HERC3: variants seen among roughly 807,000 people sequenced by gnomAD.
HERC3 encodes HECT and RLD domain containing E3 ubiquitin protein ligase 3.
In HERC3, 58 loss-of-function variants were observed where a neutral mutation model predicts 129.9. The observed-to-expected ratio is 0.45, with a 90% CI of 0.36 to 0.56. HERC3 has a LOEUF of 0.56. HERC3 is among the 20% of genes least tolerant of loss of function. The pLI, the probability that HERC3 is intolerant of heterozygous loss-of-function variation, is 0.00. For missense variants in HERC3, 835 were observed against 1,244.2 expected (o/e 0.67, Z 4.95); for synonymous variants, 430 against 451.0 (o/e 0.95, Z 0.59).
intron 9 of HERC3, chr4:88,657,296 C>T (rs2149281030): frequency 6.6e-6 from 1 of 152,280 alleles, no homozygotes; most frequent in South Asian, 2.1e-4. Context: ...GTAAACCTAG[C>T]ATATAGCACA....
intron 14 of HERC3, chr4:88,668,701 C>T (rs1195612315): frequency 6.5e-6 from 1 of 153,248 alleles, no homozygotes; most frequent in Non-Finnish European, 1.5e-5. Flanking sequence ...CTTTTTTCCC[C>T]CCTGGTAAAT....
chr4:88,617,558 G>A (rs1725046214), intron 3 of HERC3, among the ~76,000 whole-genome samples: 1 of 152,160 alleles, frequency 6.6e-6, no homozygotes, highest in South Asian at 2.1e-4. Context: ...CCTATACACA[G>A]AGGCTGTTTG....
At chr4:88,645,028 G>C (rs903197004) in intron 3 of HERC3, among the ~76,000 whole-genome samples, 4 of 152,234 alleles carry the variant, frequency 2.6e-5, no homozygotes, top group Admixed American at 2.6e-4. Context: ...TCTGTGTTGG[G>C]AACTGCAGAG....
At chr4:88,582,886 TC>T in the HERC3 span, among the ~76,000 whole-genome samples, 1 of 151,672 alleles carries the variant, frequency 6.6e-6, no homozygotes, top group African/African-American at 2.4e-5. Context: ...ATTGCCTACA[TC>T]CCCCACTTCC....
chr4:88,572,592 C>T, the HERC3 span, among the ~76,000 whole-genome samples: 397 of 151,922 alleles, frequency 2.6e-3, 5 homozygotes, highest in African/African-American at 9.0e-3. Flanking sequence ...GGGTGTATCA[C>T]GAGGTCAGGA....
rs1735922816 is a variant in HERC3, at chr4:88,708,189, T to A, written c.*1229T>A. 1 of 152,590 alleles carries A rather than the reference T, an allele frequency of 6.6e-6. No individual in the cohort carries two copies. The allele number at this position is 152,590 out of a possible 1,614,324, so 9.5% of individuals were successfully genotyped here. On this transcript the variant is annotated 3_prime_UTR_variant, in exon 26 of 26. Transcript: ENST00000402738. ...TTGTGTTTAAATCAAATATATGTAT[T>A]TTAAAAATAATGACATGCTCAACCT...
At chr4:88,640,270 C>G (rs1399741825) in intron 3 of HERC3, among the ~76,000 whole-genome samples, 1 of 152,134 alleles carries the variant, frequency 6.6e-6, no homozygotes, top group Non-Finnish European at 1.5e-5. Context: ...AAGACAGATG[C>G]ACACATATGT....
the HERC3 span, chr4:88,583,814 T>C: frequency 2.0e-5 from 3 of 152,202 alleles, no homozygotes; most frequent in African/African-American, 7.2e-5. Context: ...CTTTGTCAGA[T>C]TGGAAATGTC....
chr4:88,648,649 G>C (rs949653573), intron 3 of HERC3, among the ~76,000 whole-genome samples: 4 of 152,040 alleles, frequency 2.6e-5, no homozygotes, highest in African/African-American at 9.7e-5. Context: ...TCAAGATGAA[G>C]GGTTCTACAG....
intron 12 of HERC3, among the ~76,000 whole-genome samples, chr4:88,666,446 A>G (rs961207200): frequency 6.6e-6 from 1 of 152,220 alleles, no homozygotes; most frequent in Non-Finnish European, 1.5e-5. Context: ...TTTTAAAAAC[A>G]ATAACAACAA....
At chr4:88,705,192 C>T (rs151289100) in intron 25 of HERC3, among the ~76,000 whole-genome samples, 5 of 152,180 alleles carry the variant, frequency 3.3e-5, no homozygotes, top group African/African-American at 1.2e-4. Flanking sequence ...TCTAAAAATA[C>T]CAATTATTTT....
At chr4:88,571,423 T>C in the HERC3 span, among the ~76,000 whole-genome samples, 2 of 152,244 alleles carry the variant, frequency 1.3e-5, no homozygotes, top group Non-Finnish European at 2.9e-5. Flanking sequence ...TCCATGGCCC[T>C]AAACTAAGTA....
intron 23 of HERC3, among the ~76,000 whole-genome samples, chr4:88,698,782 C>T (rs560467029): frequency 1.2e-3 from 180 of 149,954 alleles, no homozygotes; most frequent in Non-Finnish European, 1.9e-3. Flanking sequence ...GACTTATGCC[C>T]CACCTTCTGC....
At chr4:88,688,366 T>C (rs1016581898) in intron 23 of HERC3, among the ~76,000 whole-genome samples, 1 of 152,096 alleles carries the variant, frequency 6.6e-6, no homozygotes, top group Non-Finnish European at 1.5e-5. Context: ...TTTAGAAAGA[T>C]TACTTTGGGG....
intron 14 of HERC3, 62 bp downstream of exon 14, chr4:88,668,143 T>G: frequency 8.0e-7 from 1 of 1,247,788 alleles, no homozygotes. Context: ...GTGTGACTCC[T>G]GGCTCTCAGT....
intron 3 of HERC3, among the ~76,000 whole-genome samples, chr4:88,635,764 C>G (rs1201276599): frequency 6.6e-6 from 1 of 152,084 alleles, no homozygotes; most frequent in Non-Finnish European, 1.5e-5. Context: ...GCCATGTCAC[C>G]TACAAAGGGA....
chr4:88,591,064 A>AT (rs539127563), upstream of HERC3, among the ~76,000 whole-genome samples: 223 of 150,228 alleles, frequency 1.5e-3, no homozygotes, highest in East Asian at 5.5e-3. Context: ...TAATTTTGGT[A>AT]TTTTTTTTTG....
At chr4:88,603,027 C>T (rs1578145531) in intron 2 of HERC3, among the ~76,000 whole-genome samples, 1 of 152,130 alleles carries the variant, frequency 6.6e-6, no homozygotes, top group East Asian at 1.9e-4. Context: ...TGTGTCTTAA[C>T]TTTGATAGAA....
At chr4:88,552,852 G>A in the HERC3 span, among the ~76,000 whole-genome samples, 1 of 151,716 alleles carries the variant, frequency 6.6e-6, no homozygotes, top group Non-Finnish European at 1.5e-5. Flanking sequence ...GGGCCCTGTT[G>A]TTTCAGAAGC....
Sources: gnomAD v4.1 joint callset for allele counts (sites outside exome capture counted in the v4.1 genomes callset) on GRCh38, gnomAD v4.1.1 for gene constraint, MANE v1.5 for transcripts, NCBI Gene and HGNC (gene_info 2026-07-23, HGNC 2026-07-21) for gene names.